Variants in NHS observed in about 807,000 individuals in gnomAD.
The protein encoded by NHS is NHS actin remodeling regulator, also known as actin remodeling regulator NHS.
Under a neutral mutation model 72.5 loss-of-function variants are expected in NHS, and 5 were observed. That is an observed-to-expected ratio of 0.07 (90% CI 0.04 to 0.14). The LOEUF is 0.14. NHS is among the 10% of genes least tolerant of loss of function. The pLI is 1.00. For missense variants in NHS, 1,072 were observed against 1,355.7 expected, an observed-to-expected ratio of 0.79 and a Z score of 3.29; for synonymous variants, 464 against 547.7, an observed-to-expected ratio of 0.85 and a Z score of 2.13.
chrX:17,378,085 T>TGTGTGTGTGTGTGTGTGTGTGTGTGA (rs1491390890), intron 1 of NHS, among the ~76,000 whole-genome samples: 2 of 104,467 alleles, frequency 1.9e-5, no homozygotes, highest in African/African-American at 3.4e-5. Flanking sequence ...TGTGTGTGTG[T>TGTGTGTGTGTGTGTGTGTGTGTGTGA]GAGACACACC....
intron 1 of NHS, among the ~76,000 whole-genome samples, chrX:17,672,441 C>T (rs954763538): frequency 3.6e-5 from 4 of 112,512 alleles, no homozygotes; most frequent in African/African-American, 1.3e-4. Context: ...CACCATATGG[C>T]ACACCCAACT....
At chrX:17,723,747 G>GTGTGTGTGTGTGTGTA (rs2066420692) in intron 5 of NHS, among the ~76,000 whole-genome samples, 1 of 94,021 alleles carries the variant, frequency 1.1e-5, no homozygotes, top group African/African-American at 4.8e-5. Context: ...GTGTGTGTGT[G>GTGTGTGTGTGTGTGTA]TGTGTGTGTG....
intron 1 of NHS, among the ~76,000 whole-genome samples, chrX:17,475,961 C>T (rs1026193183): frequency 5.4e-5 from 6 of 111,636 alleles, no homozygotes; most frequent in Non-Finnish European, 9.4e-5. Context: ...ATGTCATGCC[C>T]GCTGCCAGCT....
At chrX:17,710,169 G>A (rs1482469796) in intron 3 of NHS, among the ~76,000 whole-genome samples, 2 of 112,361 alleles carry the variant, frequency 1.8e-5, no homozygotes, top group African/African-American at 6.5e-5. Flanking sequence ...CACAGAATAG[G>A]TTCAGAACTG....
rs951081030 is a variant in NHS at position 17,640,224 on chromosome X, G to A, written c.566-47518G>A. On this transcript the variant is annotated intron_variant, in intron 1 of 8. Coordinates refer to ENST00000676302, the MANE Select transcript of NHS (RefSeq NM_001291867.2). Reference sequence around the variant, plus strand: ...AAAGCAGAATCTTCTAGTTTTCTCTGAAGCCCACCCTGTACTTCTGAATAC... The same window carrying A: ...AAAGCAGAATCTTCTAGTTTTCTCTAAAGCCCACCCTGTACTTCTGAATAC... Among the ~76,000 whole-genome samples the A allele has an allele frequency of 3.6e-5, 4 of 111,789 alleles. No homozygotes were observed. In the Admixed American group the frequency reaches 3.8e-4, roughly 11 times the overall value.
intron 1 of NHS, chrX:17,635,653 G>A (rs2147071312): frequency 9.0e-7 from 1 of 1,112,301 alleles, no homozygotes; most frequent in East Asian, 3.3e-5. Context: ...GGGGAGGCTG[G>A]GTCTAACGAA....
chrX:17,728,892 C>A, intron 8 of NHS, 117 bp downstream of exon 8: 1 of 949,794 alleles, frequency 1.1e-6, no homozygotes, highest in Non-Finnish European at 1.5e-6. Context: ...ATACATTCAG[C>A]AAAAACAAAA....
At chrX:17,602,875 C>T (rs1182414065) in intron 1 of NHS, among the ~76,000 whole-genome samples, 1 of 91,578 alleles carries the variant, frequency 1.1e-5, no homozygotes, top group Non-Finnish European at 2.1e-5. Flanking sequence ...GGGTCTTGCT[C>T]TGTCACCCAG....
In NHS at chrX:17,725,549, C is replaced by G. The variant is rs376814724; in HGVS notation, c.1443C>G (p.Gly481=). 5.6e-5 allele frequency: 68 copies of G among 1,209,788 alleles called. No individual in the cohort carries two copies. The highest frequency in any genetic ancestry group is 8.7e-5 in the Admixed American group (4 of 45,771). The part of the protein sequence containing the change: ...SIAASLSHSA[G]NISALADKGD... ...CAGCTTCCCTTTCTCATTCTGCTGG[C>G]AACATTTCTGCCCTAGCAGACAAAG... The change falls in exon 7 of 9, where the codon GGC becomes GGG. Residue 481 remains glycine (G), a synonymous_variant. Transcript: ENST00000676302.
chrX:17,728,189 G>A lies in NHS; in HGVS notation c.4083G>A (p.Ser1361=), dbSNP rs142564431. 2.1e-5 allele frequency: 25 copies of A among 1,209,534 alleles called. No homozygotes were observed. The highest frequency in any genetic ancestry group is 8.9e-5 in the East Asian group (3 of 33,783). ...TGCCTGGTACTATCAGCTATGAATC[G>A]GAGATAACATCTGTAAATTCATTCC... The part of the protein sequence containing the change: ...DKVPGTISYE[S]EITSVNSFPE... Residue 1361 remains serine, a synonymous_variant, in exon 7 of 9, where the codon TCG becomes TCA. Coordinates refer to ENST00000676302, the MANE Select transcript of NHS (RefSeq NM_001291867.2).
chrX:17,411,487 A>G (rs1320531063), intron 1 of NHS, among the ~76,000 whole-genome samples: 1 of 111,876 alleles, frequency 8.9e-6, no homozygotes, highest in Non-Finnish European at 1.9e-5. Flanking sequence ...CTACCGTACT[A>G]TATTTCATCA....
intron 1 of NHS, among the ~76,000 whole-genome samples, chrX:17,447,735 A>C (rs890290157): frequency 3.7e-5 from 4 of 108,634 alleles, no homozygotes; most frequent in African/African-American, 1.3e-4. Context: ...TTGAGTCAAC[A>C]ATAAAAATTT....
chrX:17,523,608 G>A (rs929293916), intron 1 of NHS, among the ~76,000 whole-genome samples: 6 of 111,162 alleles, frequency 5.4e-5, no homozygotes, highest in African/African-American at 2.0e-4. Context: ...TGACCTCAAT[G>A]GATCTCTACA....
intron 1 of NHS, among the ~76,000 whole-genome samples, chrX:17,418,942 C>T (rs770969043): frequency 8.9e-6 from 1 of 112,346 alleles, no homozygotes; most frequent in East Asian, 2.8e-4. Flanking sequence ...CGTTAAGTTT[C>T]ACAGCTAAGG....
chrX:17,474,026 G>T (rs189099643), intron 1 of NHS, among the ~76,000 whole-genome samples: 3 of 111,061 alleles, frequency 2.7e-5, no homozygotes, highest in Admixed American at 1.9e-4. Flanking sequence ...CATCACCCAG[G>T]TATTAAGACT....
rs181005918 is a variant in NHS at position 17,723,028 on chromosome X, G to A, written c.1109-1271G>A. On this transcript the variant is annotated intron_variant, in intron 5 of 8. Transcript: ENST00000676302. The stretch of plus-strand genomic sequence containing the variant: ...TGTCCACATAACACAAAATGTCTGC[G>A]TCTATATATAATGCATTCTATAATT... 5.5e-3 allele frequency among the ~76,000 whole-genome samples: 617 copies of A among 111,779 alleles called. 4 individuals carry two copies. Among genetic ancestry groups the A allele is most frequent in the African/African-American group, 0.019 (578 of 30,755 alleles).
chrX:17,510,845 G>A (rs1450657767), intron 1 of NHS, among the ~76,000 whole-genome samples: 1 of 112,472 alleles, frequency 8.9e-6, no homozygotes, highest in Non-Finnish European at 1.9e-5. Context: ...CAATTCTAAA[G>A]CAATATTCTC....
At position 17,732,378 on chromosome X, in the gene NHS, A is replaced by G. The variant is rs1182248470; in HGVS notation, c.4870A>G (p.Thr1624Ala). 8.3e-7 allele frequency: 1 copy of G among 1,212,092 alleles called. No homozygotes were observed. Among genetic ancestry groups the G allele is most frequent in the East Asian group, 3.0e-5 (1 of 33,846 alleles). Residue 1624 changes from threonine (T) to alanine (A), a missense_variant, in exon 9 of 9, where the codon ACG (threonine) becomes GCG (alanine). Physicochemically the swap from Thr to Ala is moderately conservative, Grantham distance 58. Coordinates refer to ENST00000676302, the MANE Select transcript of NHS (RefSeq NM_001291867.2). Reference sequence around the variant, plus strand: ...CAGTGTCCGCTGCCGGCTGTACAATACGCCCATGCAGGCAATCTCCGAGGG... The same window carrying G: ...CAGTGTCCGCTGCCGGCTGTACAATGCGCCCATGCAGGCAATCTCCGAGGG... ...RYSVRCRLYNTPMQAISEGET... is the reference protein window; with the variant it reads ...RYSVRCRLYNAPMQAISEGET...
At chrX:17,527,215 T>A (rs769518388) in intron 1 of NHS, among the ~76,000 whole-genome samples, 1 of 112,896 alleles carries the variant, frequency 8.9e-6, no homozygotes, top group Non-Finnish European at 1.9e-5. Context: ...CAGGACTTGT[T>A]CTTTGTTTAT....
Sources: allele counts gnomAD v4.1 joint callset (sites outside exome capture counted in the v4.1 genomes callset), GRCh38; gene constraint gnomAD v4.1.1; transcripts MANE v1.5; gene names NCBI Gene and HGNC (gene_info 2026-07-23, HGNC 2026-07-21).